The following TFB2M variants were observed in gnomAD, a reference collection of about 807,000 sequenced individuals.
TFB2M encodes the protein dimethyladenosine transferase 2, mitochondrial.
TFB2M carries 44 observed loss-of-function variants against 41.3 expected under a neutral mutation model. The observed-to-expected ratio is 1.07, with a 90% CI of 0.84 to 1.37. TFB2M has a LOEUF of 1.37. TFB2M is among the 40% of genes most tolerant of loss of function. TFB2M has a pLI of 0.00. For missense variants in TFB2M, 496 were observed against 490.2 expected (o/e 1.01, Z -0.11); for synonymous variants, 188 against 176.8 (o/e 1.06, Z -0.50).
intron 2 of TFB2M, among the ~76,000 whole-genome samples, chr1:246,563,491 C>T (rs1042498153): frequency 4.6e-5 from 7 of 151,912 alleles, no homozygotes; most frequent in African/African-American, 1.7e-4. Flanking sequence ...GTAATCCCAG[C>T]TACTTGGGAG....
At chr1:246,541,488 C>T (rs909280707) in intron 7 of TFB2M, among the ~76,000 whole-genome samples, 4 of 151,774 alleles carry the variant, frequency 2.6e-5, no homozygotes, top group African/African-American at 9.7e-5. Flanking sequence ...AAAAAAATCA[C>T]TTGTATTCCT....
intron 6 of TFB2M, among the ~76,000 whole-genome samples, chr1:246,545,895 C>T (rs1350177706): frequency 6.6e-6 from 1 of 151,400 alleles, no homozygotes; most frequent in African/African-American, 2.4e-5. Flanking sequence ...AAATGCAAGG[C>T]ACCCAACTGA....
At chr1:246,550,657 G>A (rs910891815) in intron 5 of TFB2M, among the ~76,000 whole-genome samples, 5 of 152,178 alleles carry the variant, frequency 3.3e-5, no homozygotes, top group African/African-American at 1.2e-4. Flanking sequence ...GCTGAGGCGG[G>A]TAGATCACCT....
chr1:246,548,422 A>G lies in TFB2M; in HGVS notation c.858+123T>C. ...ATTAAAAGTAGTAAGATATGTTTAA[A>G]GAATGTTTCTAGATATTTTAAAATT... On this transcript the variant is annotated intron_variant, in intron 6 of 7. Coordinates refer to ENST00000366514, the MANE Select transcript of TFB2M (RefSeq NM_022366.3). 3 of 756,706 alleles carry G rather than the reference A, an allele frequency of 4.0e-6. No homozygotes were observed. In the South Asian group the frequency reaches 6.2e-5, roughly 16 times the overall value. The allele number at this position is 756,706 out of a possible 1,614,324, so 46.9% of individuals were successfully genotyped here. A position where few individuals can be genotyped will look rare whatever the true frequency, so the allele number is the denominator to read the frequency against.
chr1:246,554,837 G>C (rs1168164336), intron 4 of TFB2M, among the ~76,000 whole-genome samples: 1 of 151,872 alleles, frequency 6.6e-6, no homozygotes, highest in Non-Finnish European at 1.5e-5. Context: ...GGCAACAAAA[G>C]AGAAAAAAAG....
chr1:246,545,003 C>T (rs952365937), intron 6 of TFB2M, among the ~76,000 whole-genome samples: 2 of 151,826 alleles, frequency 1.3e-5, no homozygotes, highest in African/African-American at 2.4e-5. Flanking sequence ...GATGGGGTTT[C>T]ACCGTGTTAG....
intron 5 of TFB2M, among the ~76,000 whole-genome samples, chr1:246,549,775 T>C (rs946736946): frequency 6.6e-6 from 1 of 152,110 alleles, no homozygotes; most frequent in Admixed American, 6.6e-5. Context: ...GCAGGGGCAA[T>C]GAGAGTGGCT....
intron 3 of TFB2M, 59 bp downstream of exon 3, chr1:246,557,322 T>C (rs1659349458): frequency 1.3e-6 from 2 of 1,526,220 alleles, no homozygotes; most frequent in Admixed American, 2.1e-5. Context: ...AAATCAGTTA[T>C]ACTGCTAGAG....
chr1:246,550,446 T>C (rs972513225), intron 5 of TFB2M, among the ~76,000 whole-genome samples: 14 of 151,498 alleles, frequency 9.2e-5, no homozygotes, highest in Non-Finnish European at 8.8e-5. Flanking sequence ...AAAAAAAGAA[T>C]TGGAACAAAA....
intron 6 of TFB2M, among the ~76,000 whole-genome samples, chr1:246,544,979 G>C (rs569108775): frequency 2.2e-4 from 34 of 152,028 alleles, no homozygotes; most frequent in East Asian, 5.9e-4. Flanking sequence ...CTAATTTTTT[G>C]TATTTTTAGT....
At chr1:246,563,718 G>T (rs892218268) in intron 2 of TFB2M, among the ~76,000 whole-genome samples, 2 of 151,934 alleles carry the variant, frequency 1.3e-5, no homozygotes, top group African/African-American at 4.8e-5. Flanking sequence ...CACAAATTTT[G>T]TTTAATGCAC....
chr1:246,550,525 T>C (rs942973386), intron 5 of TFB2M, among the ~76,000 whole-genome samples: 3 of 151,814 alleles, frequency 2.0e-5, no homozygotes, highest in Non-Finnish European at 4.4e-5. Flanking sequence ...ACTGAAGACC[T>C]CAGCATATTC....
intron 6 of TFB2M, among the ~76,000 whole-genome samples, chr1:246,544,900 G>GT (rs1387258380): frequency 2.0e-5 from 3 of 152,108 alleles, no homozygotes; most frequent in African/African-American, 7.2e-5. Context: ...CCATCTCCCG[G>GT]GTTCATGCCA....
chr1:246,564,476 C>T (rs1209245662), intron 1 of TFB2M, 42 bp from the exon 2 acceptor site: 1 of 1,566,904 alleles, frequency 6.4e-7, no homozygotes, highest in Non-Finnish European at 8.8e-7. Context: ...GTACAAGAAA[C>T]ATAATCTCTT....
rs1380257688 is a variant in TFB2M at position 246,556,648 on chromosome 1, G to A, written c.630C>T (p.Asp210=). The change falls in exon 4 of 8, where the codon GAC becomes GAT. Residue 210 remains aspartate (D), a synonymous_variant. Coordinates refer to ENST00000366514, the MANE Select transcript of TFB2M (RefSeq NM_022366.3). ...EKRALWKLAY[D]LYSCTSIYKF... is the part of the protein sequence containing the mutation. ...TATATATAGAAGTACAGGAATACAA[G>A]TCATATGCGAGTTTCCAAAGTGCCC... 2 of 1,578,290 alleles carry A rather than the reference G, an allele frequency of 1.3e-6. No individual in the cohort carries two copies. Among genetic ancestry groups the A allele is most frequent in the Admixed American group, 2.0e-5 (1 of 50,176 alleles).
chr1:246,558,293 C>T (rs546574978), intron 2 of TFB2M, among the ~76,000 whole-genome samples: 162 of 152,092 alleles, frequency 1.1e-3, no homozygotes, highest in African/African-American at 3.4e-3. Context: ...ACTACAGGTG[C>T]ATACCATCAC....
chr1:246,556,722 C>G lies in TFB2M; in HGVS notation c.557-1G>C. The G allele has an allele frequency of 6.4e-7, 1 of 1,553,320 alleles. No homozygotes were observed. ...ATTCCAACTACTTTTAAAGGGATGT[C>G]TGTTAGGAATATAAGCAAAAAGATT... On this transcript the variant is annotated splice_acceptor_variant, in intron 3 of 7. Transcript: ENST00000366514. LOFTEE classifies it high-confidence loss of function.
At chr1:246,550,762 A>G (rs1221853686) in intron 5 of TFB2M, among the ~76,000 whole-genome samples, 1 of 152,260 alleles carries the variant, frequency 6.6e-6, no homozygotes, top group Non-Finnish European at 1.5e-5. Context: ...GCACGCCTGT[A>G]GTCCCAGCTA....
chr1:246,543,926 G>C (rs900343487), intron 7 of TFB2M, among the ~76,000 whole-genome samples: 1 of 152,158 alleles, frequency 6.6e-6, no homozygotes, highest in African/African-American at 2.4e-5. Flanking sequence ...GGAGGACAAG[G>C]CTGCAGTGAG....
Sources: allele counts gnomAD v4.1 joint callset (sites outside exome capture counted in the v4.1 genomes callset), GRCh38; gene constraint gnomAD v4.1.1; transcripts MANE v1.5; gene names NCBI Gene and HGNC (gene_info 2026-07-23, HGNC 2026-07-21).